The following PRSS58 variants were observed in gnomAD, a reference collection of about 807,000 sequenced individuals.
PRSS58 encodes the protein protease, serine 58.
A neutral mutation model predicts 25.0 loss-of-function variants in PRSS58; 31 were observed. The observed-to-expected ratio is 1.24, with a 90% CI of 0.93 to 1.67. The LOEUF (loss-of-function observed/expected upper bound fraction) is 1.67. Ranked by LOEUF, PRSS58 falls within the 40% of genes most tolerant of loss-of-function variation. PRSS58 has a pLI of 0.00. For missense variants in PRSS58, 324 were observed against 287.9 expected (o/e 1.13, Z -0.91); for synonymous variants, 119 against 106.1 (o/e 1.12, Z -0.75).
Position 142,255,685 on chromosome 7 carries a change from A to C in PRSS58, c.41-12T>G. 6.3e-7 allele frequency: 1 copy of C among 1,577,996 alleles called. No individual in the cohort carries two copies. Among genetic ancestry groups the C allele is most frequent in the Non-Finnish European group, 8.6e-7 (1 of 1,161,222 alleles). Reference sequence around the variant, plus strand: ...AAAGGCCAAAGCAACTGGAAAGAGAAGCATAGACAAGAAATTCCAAGATTT... The same window carrying C: ...AAAGGCCAAAGCAACTGGAAAGAGACGCATAGACAAGAAATTCCAAGATTT... On this transcript the variant is annotated splice_polypyrimidine_tract_variant and intron_variant, in intron 2 of 5. Transcript: ENST00000547058.
intron 1 of PRSS58, 55 bp from the exon 2 acceptor site, chr7:142,257,803 G>T: frequency 1.0e-6 from 1 of 960,252 alleles, no homozygotes; most frequent in African/African-American, 1.6e-5. Context: ...TGTAGAATTG[G>T]AAAAATATAT....
intron 2 of PRSS58, 141 bp from the exon 3 acceptor site, chr7:142,255,814 T>C (rs1049535456): frequency 3.0e-6 from 2 of 659,426 alleles, no homozygotes; most frequent in Non-Finnish European, 4.9e-6. Context: ...TACTTTGTTC[T>C]AAAACACGAA....
At chr7:142,257,189 G>C (rs1486879644) in intron 2 of PRSS58, among the ~76,000 whole-genome samples, 1 of 152,178 alleles carries the variant, frequency 6.6e-6, no homozygotes, top group Non-Finnish European at 1.5e-5. Flanking sequence ...ATTGTGAGCA[G>C]TGGAGATGGT....
intron 3 of PRSS58, 72 bp from the exon 4 acceptor site, chr7:142,255,383 C>G (rs537870814): frequency 1.3e-6 from 2 of 1,581,218 alleles, no homozygotes; most frequent in East Asian, 4.5e-5. Flanking sequence ...CCTCTATTAT[C>G]CCTCCCCACA....
intron 1 of PRSS58, 95 bp downstream of exon 1, chr7:142,257,896 G>C (rs1178901339): frequency 3.3e-6 from 2 of 597,802 alleles, no homozygotes; most frequent in South Asian, 2.2e-5. Context: ...ATCTGTCAGA[G>C]AGACAAGAAT....
intron 1 of PRSS58, 38 bp from the exon 2 acceptor site, chr7:142,257,786 G>T: frequency 8.5e-7 from 1 of 1,171,698 alleles, no homozygotes; most frequent in Non-Finnish European, 1.3e-6. Context: ...ATAAAACAAA[G>T]CAAGATTGTA....
intron 2 of PRSS58, among the ~76,000 whole-genome samples, chr7:142,256,782 T>G (rs1415743671): frequency 6.6e-6 from 1 of 152,136 alleles, no homozygotes; most frequent in African/African-American, 2.4e-5. Context: ...AAACCAGTCA[T>G]CAGAGTATAA....
rs1246303104 is a variant in PRSS58 at position 142,257,657 on chromosome 7, C to A, written c.40+11G>T. 1 of 1,608,924 alleles carries A rather than the reference C, an allele frequency of 6.2e-7. No homozygotes were observed. The highest frequency in any genetic ancestry group is 1.1e-5 in the South Asian group (1 of 90,892). On this transcript the variant is annotated intron_variant, in intron 2 of 5. Coordinates refer to ENST00000547058, the MANE Select transcript of PRSS58 (RefSeq NM_001001317.5). ...TTTGGTGGGTAAAGAGACAAATATGCACACACTCACCAGTCAGATTCAAGA... is the reference window on the plus strand; with the variant it reads ...TTTGGTGGGTAAAGAGACAAATATGAACACACTCACCAGTCAGATTCAAGA...
Position 142,252,540 on chromosome 7 carries a change from T to C in PRSS58, c.508A>G (p.Lys170Glu), listed in dbSNP as rs1479395448. ...ATATTTTCCGTGATGTTGTAGGTTTTATAGGCATCGCGACACTGAGGCTTG... is the reference window on the plus strand; with the variant it reads ...ATATTTTCCGTGATGTTGTAGGTTTCATAGGCATCGCGACACTGAGGCTTG... ...ISKPQCRDAY[K>E]TYNITENMLC... is the part of the protein sequence containing the mutation. The change falls in exon 5 of 6, where the codon AAA becomes GAA. Residue 170 changes from lysine to glutamate, a missense_variant. By Grantham distance (56) the Lys-to-Glu change is moderately conservative (BLOSUM62 1). Transcript: ENST00000547058. The C allele has an allele frequency of 1.2e-6, 2 of 1,614,206 alleles. No homozygotes were observed. The highest frequency in any genetic ancestry group is 3.3e-5 in the Admixed American group (2 of 60,016).
chr7:142,255,838 G>A (rs966913884), intron 2 of PRSS58, among the ~76,000 whole-genome samples, 165 bp from the exon 3 acceptor site: 6 of 152,242 alleles, frequency 3.9e-5, no homozygotes, highest in Middle Eastern at 3.4e-3. Context: ...AAGACAAATG[G>A]TAGAAACATA....
In PRSS58 at chr7:142,252,359, A is replaced by G; in HGVS notation, c.588T>C (p.Ala196=). The change falls in exon 6 of 6, where the codon GCT becomes GCC. Residue 196 remains alanine, a synonymous_variant. Transcript: ENST00000547058. ...GRRQPCKEVS[A]APAICNGMLQ... ...GCATCCCATTGCAGATTGCCGGGGC[A>G]GCAGAAACTTCCTGCCAGGAAAACA... is the stretch of plus-strand genomic sequence containing the variant. 6.2e-7 allele frequency: 1 copy of G among 1,613,570 alleles called. No homozygotes were observed. Among genetic ancestry groups the G allele is most frequent in the Non-Finnish European group, 8.5e-7 (1 of 1,179,816 alleles).
chr7:142,255,758 A>C, intron 2 of PRSS58, 85 bp from the exon 3 acceptor site: 8 of 1,234,296 alleles, frequency 6.5e-6, no homozygotes, highest in Non-Finnish European at 9.0e-6. Flanking sequence ...AATAGGCTCC[A>C]AGTTCCCCTA....
At chr7:142,257,869 G>A in intron 1 of PRSS58, 121 bp from the exon 2 acceptor site, 2 of 647,950 alleles carry the variant, frequency 3.1e-6, no homozygotes, top group Admixed American at 2.5e-5. Context: ...CCATTATTCA[G>A]AGGAGAGTGT....
chr7:142,252,661 A>G, intron 4 of PRSS58, 50 bp from the exon 5 acceptor site: 1 of 1,554,506 alleles, frequency 6.4e-7, no homozygotes, highest in Non-Finnish European at 8.6e-7. Context: ...GTTAGGTATT[A>G]AAACTTCTTT....
intron 2 of PRSS58, among the ~76,000 whole-genome samples, chr7:142,256,002 T>C (rs1040674223): frequency 1.1e-4 from 16 of 152,344 alleles, no homozygotes; most frequent in Admixed American, 4.6e-4. Context: ...TTTAGAATGC[T>C]TCAATAAGTC....
At position 142,255,622 on chromosome 7, in the gene PRSS58, A is replaced by T; in HGVS notation, c.92T>A (p.Leu31Ter). Residue 31 changes from leucine to a stop codon, truncating the protein, a stop_gained, in exon 3 of 6, where the codon TTG becomes TAG. Coordinates refer to ENST00000547058, the MANE Select transcript of PRSS58 (RefSeq NM_001001317.5). LOFTEE classifies it high-confidence loss of function. Reference protein sequence around the residue: ...DYTVSSTPPYLVYLKSDYLPC... With the variant: ...DYTVSSTPPY ...CAAGTAGTCAGATTTCAAATAGACC[A>T]AGTAAGGGGGAGTGGAGCTGACTGT... 1 of 1,614,032 alleles carries T rather than the reference A, an allele frequency of 6.2e-7. No individual in the cohort carries two copies. Among genetic ancestry groups the T allele is most frequent in the South Asian group, 1.1e-5 (1 of 91,076 alleles).
rs1011049625 is a variant in PRSS58, at chr7:142,255,822, G to A, written c.41-149C>T. The A allele has an allele frequency of 1.1e-5, 7 of 614,016 alleles. No homozygotes were observed. In the African/African-American group the frequency reaches 1.2e-4, roughly 10 times the overall value. The allele number at this position is 614,016 out of a possible 1,614,324, so 38.0% of individuals were successfully genotyped here. A position where few individuals can be genotyped will look rare whatever the true frequency, so the allele number is the denominator to read the frequency against. On this transcript the variant is annotated intron_variant, in intron 2 of 5. Coordinates refer to ENST00000547058, the MANE Select transcript of PRSS58 (RefSeq NM_001001317.5). ...AATGACTTACTTTGTTCTAAAACAC[G>A]AAGAAAAGACAAATGGTAGAAACAT... is the stretch of plus-strand genomic sequence containing the variant.
At chr7:142,253,658 G>T (rs1547390) in intron 4 of PRSS58, among the ~76,000 whole-genome samples, 33,841 of 152,048 alleles carry the variant, frequency 0.22, 4,623 homozygotes, top group East Asian at 0.51. Context: ...TTCTTGAAAA[G>T]AAAATGTATA....
chr7:142,252,681 TTTC>T, intron 4 of PRSS58, 70 bp from the exon 5 acceptor site: 3 of 1,485,832 alleles, frequency 2.0e-6, no homozygotes, highest in Non-Finnish European at 2.7e-6. Flanking sequence ...TTAAAAAACT[TTTC>T]TTCTTCTACC....
Sources: allele counts gnomAD v4.1 joint callset (sites outside exome capture counted in the v4.1 genomes callset), GRCh38; gene constraint gnomAD v4.1.1; transcripts MANE v1.5; gene names NCBI Gene and HGNC (gene_info 2026-07-23, HGNC 2026-07-21).